MAGI2: variants seen among roughly 807,000 people sequenced by gnomAD.
The protein encoded by MAGI2 is membrane associated guanylate kinase, WW and PDZ domain containing 2, also known as membrane-associated guanylate kinase, WW and PDZ domain-containing protein 2.
A neutral mutation model predicts 133.3 loss-of-function variants in MAGI2; 35 were observed. That is an observed-to-expected ratio of 0.26 (90% CI 0.20 to 0.35). The LOEUF is 0.35. MAGI2 is among the 10% of genes least tolerant of loss of function. The pLI is 1.00. For missense variants in MAGI2, 1,636 were observed against 1,863.4 expected (o/e 0.88, Z 2.25); for synonymous variants, 729 against 710.6 (o/e 1.03, Z -0.41).
chr7:78,191,783 A>G (rs573447584), intron 12 of MAGI2, among the ~76,000 whole-genome samples: 128 of 152,296 alleles, frequency 8.4e-4, no homozygotes, highest in African/African-American at 2.5e-3. Context: ...TGGCCGTAGT[A>G]TCCTATGATC....
At chr7:78,706,152 C>T (rs753211230) in intron 2 of MAGI2, among the ~76,000 whole-genome samples, 20 of 152,028 alleles carry the variant, frequency 1.3e-4, no homozygotes, top group Non-Finnish European at 2.8e-4. Flanking sequence ...CTGTGTCCCC[C>T]CCCAAATCTC....
At chr7:79,299,232 AGATT>A (rs1837187603) in intron 1 of MAGI2, among the ~76,000 whole-genome samples, 1 of 152,100 alleles carries the variant, frequency 6.6e-6, no homozygotes, top group African/African-American at 2.4e-5. Flanking sequence ...TGGGTTTTTA[AGATT>A]AAGTAGAAAT....
chr7:79,357,227 C>T (rs562899548), intron 1 of MAGI2, among the ~76,000 whole-genome samples: 73 of 152,272 alleles, frequency 4.8e-4, no homozygotes, highest in African/African-American at 1.7e-3. Context: ...AGAGTCAAAT[C>T]GCCAACACTG....
intron 2 of MAGI2, among the ~76,000 whole-genome samples, chr7:79,004,310 A>G (rs1323266813): frequency 1.3e-5 from 2 of 152,216 alleles, no homozygotes; most frequent in Non-Finnish European, 2.9e-5. Flanking sequence ...TTGCAGCAAC[A>G]TGGACAGAAG....
intron 1 of MAGI2, among the ~76,000 whole-genome samples, chr7:79,160,275 T>C (rs941471492): frequency 6.6e-6 from 1 of 152,120 alleles, no homozygotes; most frequent in African/African-American, 2.4e-5. Flanking sequence ...GTTAAAAAAC[T>C]ACTTAAGTGT....
At chr7:79,430,634 C>T (rs1274942338) in intron 1 of MAGI2, among the ~76,000 whole-genome samples, 1 of 152,176 alleles carries the variant, frequency 6.6e-6, no homozygotes, top group Non-Finnish European at 1.5e-5. Context: ...ATCTCCAAAA[C>T]CACCGCAGAT....
intron 1 of MAGI2, among the ~76,000 whole-genome samples, chr7:79,331,991 G>T (rs988017812): frequency 6.6e-6 from 1 of 151,610 alleles, no homozygotes; most frequent in African/African-American, 2.4e-5. Flanking sequence ...TTGGAAATTG[G>T]TCATCTAGTA....
intron 1 of MAGI2, among the ~76,000 whole-genome samples, chr7:79,383,713 T>C (rs1031383463): frequency 1.3e-5 from 2 of 151,494 alleles, no homozygotes; most frequent in East Asian, 1.9e-4. Flanking sequence ...AATCTGTTAA[T>C]AGTAAAATTC....
chr7:78,307,533 A>G (rs1331305629), intron 9 of MAGI2, among the ~76,000 whole-genome samples: 1 of 152,192 alleles, frequency 6.6e-6, no homozygotes, highest in Non-Finnish European at 1.5e-5. Context: ...GAGAGCTTAT[A>G]CTACAGTGTT....
intron 21 of MAGI2, among the ~76,000 whole-genome samples, chr7:78,052,543 C>T (rs919308775): frequency 2.0e-5 from 3 of 152,190 alleles, no homozygotes; most frequent in African/African-American, 7.2e-5. Context: ...CCTTTTATAG[C>T]AACAAAACAA....
intron 6 of MAGI2, among the ~76,000 whole-genome samples, chr7:78,455,262 A>T (rs1789186560): frequency 6.6e-6 from 1 of 152,138 alleles, no homozygotes; most frequent in Non-Finnish European, 1.5e-5. Context: ...AATTAAACAA[A>T]TTTTTTAGGA....
chr7:78,503,500 C>G (rs926193880), intron 4 of MAGI2, among the ~76,000 whole-genome samples: 2 of 149,220 alleles, frequency 1.3e-5, no homozygotes, highest in Non-Finnish European at 3.0e-5. Context: ...GTAAGTCTCA[C>G]GAGATCTGAT....
At chr7:78,322,182 C>T (rs955754899) in intron 9 of MAGI2, among the ~76,000 whole-genome samples, 1 of 152,102 alleles carries the variant, frequency 6.6e-6, no homozygotes, top group Non-Finnish European at 1.5e-5. Flanking sequence ...ATTAGTTCAA[C>T]CATTGTGGAA....
At chr7:78,062,208 G>T (rs1433044792) in intron 21 of MAGI2, among the ~76,000 whole-genome samples, 1 of 152,182 alleles carries the variant, frequency 6.6e-6, no homozygotes, top group African/African-American at 2.4e-5. Context: ...GAAACAACAG[G>T]GCCTGGGCCC....
intron 1 of MAGI2, among the ~76,000 whole-genome samples, chr7:79,290,690 G>A (rs763389006): frequency 1.3e-5 from 2 of 151,512 alleles, no homozygotes; most frequent in South Asian, 2.1e-4. Flanking sequence ...ACTTTTCCAC[G>A]ATATGGTTCT....
chr7:78,587,336 G>C (rs1297892801), intron 3 of MAGI2, among the ~76,000 whole-genome samples: 1 of 151,868 alleles, frequency 6.6e-6, no homozygotes, highest in Non-Finnish European at 1.5e-5. Flanking sequence ...TTTCATCACT[G>C]TCTAATGAGG....
intron 2 of MAGI2, among the ~76,000 whole-genome samples, chr7:78,664,306 T>G (rs1267717366): frequency 6.6e-6 from 1 of 152,238 alleles, no homozygotes; most frequent in African/African-American, 2.4e-5. Context: ...AATTTTATTT[T>G]ATGAAACCTT....
At chr7:78,884,230 C>A (rs1276024230) in intron 2 of MAGI2, among the ~76,000 whole-genome samples, 1 of 152,158 alleles carries the variant, frequency 6.6e-6, no homozygotes, top group Non-Finnish European at 1.5e-5. Context: ...GTAATCCCAT[C>A]ATTTTGGGAG....
intron 15 of MAGI2, among the ~76,000 whole-genome samples, chr7:78,161,892 C>T (rs1430169827): frequency 3.3e-5 from 5 of 152,028 alleles, no homozygotes; most frequent in Admixed American, 3.3e-4. Context: ...AAGAAATGTA[C>T]CGAGGTCATA....
Sources: gnomAD v4.1 joint callset for allele counts (sites outside exome capture counted in the v4.1 genomes callset) on GRCh38, gnomAD v4.1.1 for gene constraint, MANE v1.5 for transcripts, NCBI Gene and HGNC (gene_info 2026-07-23, HGNC 2026-07-21) for gene names.